The following DNASE1 variants were observed in gnomAD, a reference collection of about 807,000 sequenced individuals.
DNASE1 encodes the protein deoxyribonuclease 1.
A neutral mutation model predicts 33.9 loss-of-function variants in DNASE1; 40 were observed. The observed-to-expected ratio is 1.18, with a 90% CI of 0.92 to 1.54. DNASE1 has a LOEUF of 1.54. Ranked by LOEUF, DNASE1 falls within the 40% of genes most tolerant of loss-of-function variation. The pLI is 0.00. For synonymous variants in DNASE1, 216 were observed against 160.0 expected (o/e 1.35, Z -2.64); for missense variants, 518 against 372.6 (o/e 1.39, Z -3.21).
chr16:3,641,062 G>C, upstream of DNASE1: 1 of 397,930 alleles, frequency 2.5e-6, no homozygotes, highest in Non-Finnish European at 4.4e-6. Context: ...CCAGCCCCCA[G>C]GTGCTGTTGC....
intron 6 of DNASE1, 21 bp downstream of exon 6, chr16:3,657,132 G>A (rs369279602): frequency 1.9e-6 from 3 of 1,613,974 alleles, no homozygotes; most frequent in African/African-American, 2.7e-5. Flanking sequence ...CCCAGGGGCA[G>A]TGGGCACCAG....
At chr16:3,643,695 A>G (rs1470642532) in intron 1 of DNASE1, among the ~76,000 whole-genome samples, 2 of 152,244 alleles carry the variant, frequency 1.3e-5, no homozygotes, top group Non-Finnish European at 2.9e-5. Context: ...GGAGACTGAG[A>G]TACGGTTTTT....
intron 1 of DNASE1, among the ~76,000 whole-genome samples, chr16:3,633,764 A>T (rs909353771): frequency 4.6e-5 from 7 of 151,990 alleles, no homozygotes; most frequent in African/African-American, 1.7e-4. Flanking sequence ...GTCCCTTATG[A>T]TATTGCTGTC....
At chr16:3,626,797 C>T (rs1037777751) in intron 1 of DNASE1, among the ~76,000 whole-genome samples, 12 of 152,092 alleles carry the variant, frequency 7.9e-5, no homozygotes, top group African/African-American at 1.7e-4. Context: ...TTGTTAGATG[C>T]GTATGCACTT....
chr16:3,642,460 A>G (rs758763931), upstream of DNASE1, among the ~76,000 whole-genome samples: 18 of 152,178 alleles, frequency 1.2e-4, no homozygotes, highest in Non-Finnish European at 1.8e-4. Context: ...GGCAACCAGC[A>G]GCCGGAGAGA....
In DNASE1 at chr16:3,612,918, C is replaced by G. The variant is rs139271589; in HGVS notation, c.-1359+912C>G. ...CTTAACATCTGAGAGTAGTGTGCCTCCAGTCACTGAAATAATGAACACAGG... is the reference window on the plus strand; with the variant it reads ...CTTAACATCTGAGAGTAGTGTGCCTGCAGTCACTGAAATAATGAACACAGG... On this transcript the variant is annotated intron_variant and NMD_transcript_variant, in intron 1 of 11. Coordinates refer to the DNASE1 transcript ENST00000570769. Among the ~76,000 whole-genome samples the G allele has an allele frequency of 3.3e-5, 5 of 152,194 alleles. No individual in the cohort carries two copies. In the East Asian group the frequency reaches 9.7e-4, roughly 29 times the overall value.
chr16:3,658,196 A>G, downstream of DNASE1: 2 of 1,614,090 alleles, frequency 1.2e-6, no homozygotes, highest in African/African-American at 1.3e-5. Flanking sequence ...AGGGTCGTCA[A>G]CAAGTCCAGC....
chr16:3,633,141 T>G (rs992324654), intron 1 of DNASE1, among the ~76,000 whole-genome samples: 14 of 152,244 alleles, frequency 9.2e-5, no homozygotes, highest in Non-Finnish European at 2.1e-4. Context: ...TTGGTACAGT[T>G]AGATTAATAT....
intron 1 of DNASE1, among the ~76,000 whole-genome samples, chr16:3,648,860 C>T (rs958328736): frequency 3.3e-5 from 5 of 152,164 alleles, no homozygotes; most frequent in African/African-American, 1.2e-4. Flanking sequence ...ATGGATATAT[C>T]TCAAGTTTTA....
downstream of DNASE1, chr16:3,662,908 G>A: frequency 1.2e-5 from 19 of 1,613,418 alleles, no homozygotes; most frequent in Non-Finnish European, 1.6e-5. Context: ...CGCGACCCCA[G>A]CACATTTCTC....
chr16:3,614,605 T>G (rs1237254550), intron 1 of DNASE1, among the ~76,000 whole-genome samples: 1 of 152,102 alleles, frequency 6.6e-6, no homozygotes, highest in East Asian at 1.9e-4. Context: ...CCATGGATGA[T>G]TTAGGGCAGG....
chr16:3,620,162 C>G (rs938219843), intron 1 of DNASE1, among the ~76,000 whole-genome samples: 22 of 151,344 alleles, frequency 1.5e-4, no homozygotes, highest in Non-Finnish European at 2.4e-4. Context: ...GTGATCCACC[C>G]GCATCGGCTT....
intron 1 of DNASE1, among the ~76,000 whole-genome samples, chr16:3,615,952 CAG>C (rs764280246): frequency 6.6e-6 from 1 of 152,192 alleles, no homozygotes; most frequent in East Asian, 1.9e-4. Flanking sequence ...TTTATCTTGA[CAG>C]GGGTTGGGGA....
chr16:3,653,344 T>C (rs1203963455), upstream of DNASE1: 1 of 152,184 alleles, frequency 6.6e-6, no homozygotes, highest in Admixed American at 6.5e-5. Flanking sequence ...TTTCTGTTAT[T>C]TTAAGCAACC....
chr16:3,623,354 A>G (rs956913723), intron 1 of DNASE1, among the ~76,000 whole-genome samples: 14 of 152,180 alleles, frequency 9.2e-5, no homozygotes, highest in South Asian at 6.2e-4. Context: ...AGACTTAAAC[A>G]TAAGACCTGA....
upstream of DNASE1, chr16:3,653,019 GCCCT>G (rs2042388546): frequency 6.6e-6 from 1 of 152,264 alleles, no homozygotes; most frequent in African/African-American, 2.4e-5. Flanking sequence ...AGATAGCTGT[GCCCT>G]AGCCCTGGAA....
downstream of DNASE1, chr16:3,661,346 G>A (rs951942439): frequency 6.6e-5 from 10 of 152,002 alleles, no homozygotes; most frequent in African/African-American, 1.7e-4. Flanking sequence ...AGGAAGAAAC[G>A]AGGGAAATCT....
rs1464715713 is a variant in DNASE1 at position 3,664,345 on chromosome 16, GGTA to G, written c.*6397_*6399del. ...GCCAGGTGACGGTTGGGGGCGCACA[GGTA>G]GTAGATGTTGCGGGTGCCGGCCCGC... is the stretch of plus-strand genomic sequence containing the variant. On this transcript the variant is annotated 3_prime_UTR_variant, in exon 10 of 10. Coordinates refer to the DNASE1 transcript ENST00000407479. The G allele has an allele frequency of 3.7e-6, 6 of 1,613,038 alleles. No homozygotes were observed. In the Admixed American group the frequency reaches 6.7e-5, roughly 18 times the overall value.
intron 1 of DNASE1, among the ~76,000 whole-genome samples, chr16:3,634,038 C>T (rs2041790344): frequency 6.6e-6 from 1 of 151,812 alleles, no homozygotes; most frequent in Non-Finnish European, 1.5e-5. Context: ...TCTCGATCTC[C>T]TGACCTCGTG....
Sources: allele counts gnomAD v4.1 joint callset (sites outside exome capture counted in the v4.1 genomes callset), GRCh38; gene constraint gnomAD v4.1.1; transcripts MANE v1.5; gene names NCBI Gene and HGNC (gene_info 2026-07-23, HGNC 2026-07-21).